RFC2: variants seen among roughly 807,000 people sequenced by gnomAD.
RFC2 encodes A1 40 kDa subunit.
In RFC2, 34 loss-of-function variants were observed where a neutral mutation model predicts 44.8. That is an observed-to-expected ratio of 0.76 (90% CI 0.58 to 1.01). The LOEUF is 1.01. RFC2 is among the 50% of genes least tolerant of loss of function. The probability of loss-of-function intolerance (pLI) is 0.00; values close to 1 mark genes in which losing one functional copy is unlikely to be tolerated. For missense variants in RFC2, 400 were observed against 453.6 expected (o/e 0.88, Z 1.07); for synonymous variants, 177 against 168.9 (o/e 1.05, Z -0.37).
chr7:74,239,354 C>G (rs1403440826), intron 7 of RFC2, among the ~76,000 whole-genome samples: 2 of 149,570 alleles, frequency 1.3e-5, no homozygotes, highest in South Asian at 4.2e-4. Flanking sequence ...TTTTTTGAGA[C>G]AGAGTCTCGC....
At chr7:74,254,240 C>A (rs528780402) in intron 1 of RFC2, 31 bp downstream of exon 1, 2 of 1,529,000 alleles carry the variant, frequency 1.3e-6, no homozygotes, top group Non-Finnish European at 1.8e-6. Context: ...CACGTCCAAA[C>A]GCGCCCATTC....
chr7:74,250,642 C>T (rs1404907529), intron 2 of RFC2, among the ~76,000 whole-genome samples: 1 of 152,078 alleles, frequency 6.6e-6, no homozygotes, highest in Non-Finnish European at 1.5e-5. Flanking sequence ...TTCTCTCCAT[C>T]CCTTCTCTCC....
intron 6 of RFC2, among the ~76,000 whole-genome samples, chr7:74,242,441 G>A (rs1312714009): frequency 4.6e-5 from 7 of 151,988 alleles, no homozygotes; most frequent in Admixed American, 2.0e-4. Context: ...AAACTGAAGC[G>A]AATAATACCT....
chr7:74,233,042 C>T (rs570476830), intron 10 of RFC2, among the ~76,000 whole-genome samples: 87 of 151,756 alleles, frequency 5.7e-4, no homozygotes, highest in African/African-American at 2.0e-3. Flanking sequence ...CCAAACTCTA[C>T]GAAAAAAAGA....
intron 1 of RFC2, among the ~76,000 whole-genome samples, chr7:74,253,133 G>A (rs1787066443): frequency 6.6e-6 from 1 of 152,032 alleles, no homozygotes; most frequent in East Asian, 1.9e-4. Flanking sequence ...GTCACAAGAG[G>A]CCCAGCACAT....
At chr7:74,248,885 G>A in intron 4 of RFC2, 127 bp downstream of exon 4, 2 of 680,654 alleles carry the variant, frequency 2.9e-6, no homozygotes, top group Non-Finnish European at 2.6e-6. Context: ...CTTTCACTGG[G>A]AAGGGGTGGA....
intron 3 of RFC2, 133 bp downstream of exon 3, chr7:74,249,606 G>C: frequency 2.6e-6 from 2 of 757,360 alleles, no homozygotes; most frequent in Non-Finnish European, 4.7e-6. Flanking sequence ...CCCAACTAGA[G>C]TGAAACACTT....
Position 74,241,754 on chromosome 7 carries a change from G to A in RFC2, c.535+1392C>T, listed in dbSNP as rs890885613. ...GTGGGCAGACCACTTGAGGCCAGGC[G>A]TTCTAGACCAGCCTGGGCAACATGG... On this transcript the variant is annotated intron_variant, in intron 6 of 10. Transcript: ENST00000055077. Among the ~76,000 whole-genome samples, 4 of 152,174 alleles carry A rather than the reference G, an allele frequency of 2.6e-5. 1 individual carries two copies. The South Asian group carries it at 8.3e-4, about 31-fold the overall frequency.
intron 4 of RFC2, among the ~76,000 whole-genome samples, chr7:74,247,485 C>A (rs1247328454): frequency 6.6e-6 from 1 of 152,156 alleles, no homozygotes; most frequent in African/African-American, 2.4e-5. Context: ...ACTAAAAATA[C>A]AAAAATTACC....
At chr7:74,242,137 C>T (rs782205573) in intron 6 of RFC2, among the ~76,000 whole-genome samples, 4 of 152,112 alleles carry the variant, frequency 2.6e-5, no homozygotes, top group Non-Finnish European at 4.4e-5. Context: ...AGGAGCTTCC[C>T]GGAGGCAACA....
chr7:74,239,669 G>C (rs1312697371), intron 7 of RFC2, among the ~76,000 whole-genome samples: 2 of 151,860 alleles, frequency 1.3e-5, no homozygotes, highest in African/African-American at 4.8e-5. Flanking sequence ...AGTAGAGATG[G>C]GATTTCACCA....
At chr7:74,247,852 AC>A (rs1316166803) in intron 4 of RFC2, among the ~76,000 whole-genome samples, 1 of 152,190 alleles carries the variant, frequency 6.6e-6, no homozygotes, top group Non-Finnish European at 1.5e-5. Flanking sequence ...GTTCCTGGGG[AC>A]TGGTGCTAGG....
intron 1 of RFC2, 52 bp downstream of exon 1, chr7:74,254,219 T>C (rs1270060099): frequency 1.1e-5 from 15 of 1,375,802 alleles, no homozygotes; most frequent in Non-Finnish European, 1.5e-5. Flanking sequence ...GGCCCGCCAC[T>C]CGCCCACCCT....
chr7:74,239,887 G>A (rs772786918), intron 7 of RFC2, 51 bp downstream of exon 7: 1 of 1,507,582 alleles, frequency 6.6e-7, no homozygotes, highest in Non-Finnish European at 9.0e-7. Context: ...CCCATGGAAG[G>A]GGCATGGCAG....
chr7:74,248,278 G>A lies in RFC2; in HGVS notation c.332+734C>T, dbSNP rs558540187. On this transcript the variant is annotated intron_variant, in intron 4 of 10. Transcript: ENST00000055077. Reference sequence around the variant, plus strand: ...AAGCACTTTGGGAGGCTGATGCAAGGAGGATCGCTTGAGTCCCGGAGTTCG... The same window carrying A: ...AAGCACTTTGGGAGGCTGATGCAAGAAGGATCGCTTGAGTCCCGGAGTTCG... Among the ~76,000 whole-genome samples, 3 of 151,968 alleles carry A rather than the reference G, an allele frequency of 2.0e-5. No homozygotes were observed. The South Asian group carries it at 6.2e-4, about 32-fold the overall frequency.
rs1802780226 is a variant in RFC2 at position 74,232,344 on chromosome 7, G to A, written c.955-128C>T. ...AATGGTTTTTTCAAAATCAGCATGA[G>A]GAATTCCAACCCCAGCCGGAAAATG... On this transcript the variant is annotated intron_variant, in intron 10 of 10. Transcript: ENST00000055077. 1.3e-5 allele frequency: 8 copies of A among 606,880 alleles called. No individual in the cohort carries two copies. In the South Asian group the frequency reaches 1.4e-4, roughly 11 times the overall value. 37.6% of individuals were successfully genotyped at this position (606,880 alleles called of 1,614,324 possible).
intron 10 of RFC2, among the ~76,000 whole-genome samples, chr7:74,234,185 C>G (rs934482612): frequency 6.6e-6 from 1 of 152,146 alleles, no homozygotes; most frequent in African/African-American, 2.4e-5. Context: ...ATTTCTGCTA[C>G]AGTGAAAGAA....
In RFC2 at chr7:74,233,576, TTTG is replaced by T. The variant is rs1261741506; in HGVS notation, c.955-1363_955-1361del. Among the ~76,000 whole-genome samples the T allele has an allele frequency of 4.6e-5, 7 of 151,682 alleles. 1 individual carries two copies. Among genetic ancestry groups the T allele is most frequent in the African/African-American group, 1.7e-4 (7 of 41,350 alleles). ...TCTCATCACATGCCTATTAGGTTAT[TTTG>T]TTGTTGTTGTTATTGGTTTTTTTTT... On this transcript the variant is annotated intron_variant, in intron 10 of 10. Coordinates refer to ENST00000055077, the MANE Select transcript of RFC2 (RefSeq NM_181471.3).
intron 2 of RFC2, among the ~76,000 whole-genome samples, chr7:74,251,879 C>T (rs1554721126): frequency 4.3e-5 from 6 of 139,762 alleles, no homozygotes; most frequent in South Asian, 2.4e-4. Flanking sequence ...GGGCAGATCA[C>T]GAGGTCAGGA....
Sources: gnomAD v4.1 joint callset for allele counts (sites outside exome capture counted in the v4.1 genomes callset) on GRCh38, gnomAD v4.1.1 for gene constraint, MANE v1.5 for transcripts, NCBI Gene and HGNC (gene_info 2026-07-23, HGNC 2026-07-21) for gene names.